C6orf132: variants seen among roughly 807,000 people sequenced by gnomAD.
C6orf132 encodes uncharacterized protein C6orf132.
In C6orf132, 43 loss-of-function variants were observed where a neutral mutation model predicts 65.3. The ratio of observed to expected loss-of-function variants is 0.66; its 90% confidence interval spans 0.52 to 0.85. The LOEUF is 0.85. Ranked by LOEUF, C6orf132 falls within the 40% of genes least tolerant of loss-of-function variation. The pLI, the probability that C6orf132 is intolerant of heterozygous loss-of-function variation, is 0.00. For synonymous variants in C6orf132, 631 were observed against 654.1 expected, an observed-to-expected ratio of 0.96 and a Z score of 0.54; for missense variants, 1,488 against 1,548.8, an observed-to-expected ratio of 0.96 and a Z score of 0.66.
chr6:42,105,523 G>A lies in C6orf132; in HGVS notation c.2389C>T (p.Pro797Ser), dbSNP rs572419947. ...PTLARGGAAG[P>S]GEPVEVKEPP... ...TCCTTCACCTCCACGGGCTCCCCTGGCCCTGCAGCCCCTCCTCTGGCCAGG... is the reference window on the plus strand; with the variant it reads ...TCCTTCACCTCCACGGGCTCCCCTGACCCTGCAGCCCCTCCTCTGGCCAGG... Residue 797 changes from proline to serine, a missense_variant, in exon 4 of 5, where the codon CCA (proline) becomes TCA (serine). Transcript: ENST00000341865. 1.2e-5 allele frequency: 19 copies of A among 1,533,564 alleles called. No individual in the cohort carries two copies. The highest frequency in any genetic ancestry group is 1.6e-5 in the Non-Finnish European group (18 of 1,144,906). The allele number at this position is 1,533,564 out of a possible 1,614,324, so 95.0% of individuals were successfully genotyped here.
intron 2 of C6orf132, among the ~76,000 whole-genome samples, chr6:42,123,004 T>G (rs1411344685): frequency 1.3e-5 from 2 of 152,220 alleles, no homozygotes; most frequent in Admixed American, 6.5e-5. Context: ...GGCGATGGCT[T>G]GATTCAGACT....
At chr6:42,133,116 T>C (rs1766879475) in intron 1 of C6orf132, among the ~76,000 whole-genome samples, 2 of 152,148 alleles carry the variant, frequency 1.3e-5, no homozygotes, top group Non-Finnish European at 2.9e-5. Context: ...CTATTGGAAG[T>C]GATGAACTTT....
At chr6:42,127,454 T>C (rs1766784885) in intron 2 of C6orf132, among the ~76,000 whole-genome samples, 1 of 151,890 alleles carries the variant, frequency 6.6e-6, no homozygotes, top group Admixed American at 6.6e-5. Flanking sequence ...ATTGTTGAAG[T>C]TGGACATAGC....
intron 1 of C6orf132, among the ~76,000 whole-genome samples, chr6:42,134,774 CA>C (rs34668328): frequency 0.062 from 5,178 of 83,536 alleles, 376 homozygotes; most frequent in African/African-American, 0.21. Context: ...AACTCCATCT[CA>C]AAAAAAAAAA....
chr6:42,130,884 A>AG, intron 1 of C6orf132, among the ~76,000 whole-genome samples: 2 of 151,940 alleles, frequency 1.3e-5, no homozygotes, highest in South Asian at 4.2e-4. Flanking sequence ...TTATGTGCCA[A>AG]GACAACAGGC....
intron 2 of C6orf132, among the ~76,000 whole-genome samples, chr6:42,125,094 C>A (rs1351724343): frequency 3.9e-5 from 6 of 152,102 alleles, no homozygotes; most frequent in Non-Finnish European, 8.8e-5. Context: ...GCCTGGTGCC[C>A]AGCAGGCCCA....
chr6:42,130,385 G>A (rs1049938619), intron 1 of C6orf132, among the ~76,000 whole-genome samples: 7 of 152,190 alleles, frequency 4.6e-5, no homozygotes, highest in Admixed American at 2.0e-4. Flanking sequence ...CAGCCACCAC[G>A]AAAGCCCCCA....
chr6:42,109,599 C>A (rs375852629), intron 3 of C6orf132, among the ~76,000 whole-genome samples: 1 of 152,090 alleles, frequency 6.6e-6, no homozygotes, highest in Non-Finnish European at 1.5e-5. Context: ...GGAAATGTGC[C>A]TGGGGTATTT....
intron 2 of C6orf132, among the ~76,000 whole-genome samples, chr6:42,116,330 G>C (rs958887298): frequency 2.0e-5 from 3 of 152,158 alleles, no homozygotes; most frequent in Non-Finnish European, 4.4e-5. Context: ...GGAAATGGAG[G>C]CTCAGAGAGA....
intron 2 of C6orf132, among the ~76,000 whole-genome samples, chr6:42,121,583 G>A (rs1766684472): frequency 6.6e-6 from 1 of 152,230 alleles, no homozygotes. Flanking sequence ...GGATTCCTCA[G>A]AGCTCAGCCA....
chr6:42,130,478 C>T (rs1193695483), intron 1 of C6orf132, among the ~76,000 whole-genome samples: 1 of 152,166 alleles, frequency 6.6e-6, no homozygotes, highest in East Asian at 1.9e-4. Flanking sequence ...GATGCCAAGG[C>T]CCTAGACCTG....
At position 42,124,923 on chromosome 6, in the gene C6orf132, G is replaced by A. The variant is rs996690066; in HGVS notation, c.252+3749C>T. 1.3e-5 allele frequency among the ~76,000 whole-genome samples: 2 copies of A among 152,242 alleles called. No individual in the cohort carries two copies. Among genetic ancestry groups the A allele is most frequent in the African/African-American group, 2.4e-5 (1 of 41,472 alleles). On this transcript the variant is annotated intron_variant, in intron 2 of 4. Coordinates refer to ENST00000341865, the MANE Select transcript of C6orf132 (RefSeq NM_001164446.3). This position sits in a 1 kb window ranked among gnomAD's most constrained non-coding sequence, Gnocchi z 4.0. ...TGTGACCTGAGTGAGGAGCACAGAA[G>A]AGTCCCTGTGATGTGGGCCACTGGG...
intron 2 of C6orf132, among the ~76,000 whole-genome samples, chr6:42,128,101 T>A (rs1766793564): frequency 6.7e-6 from 1 of 148,282 alleles, no homozygotes; most frequent in Non-Finnish European, 1.5e-5. Context: ...TTTTTTTTTT[T>A]ATATTTAGTA....
Position 42,104,665 on chromosome 6 carries a change from C to T in C6orf132, c.3247G>A (p.Gly1083Ser). Residue 1083 changes from glycine (G) to serine (S), a missense_variant, in exon 4 of 5, where the codon GGC (glycine) becomes AGC (serine). Physicochemically the swap from Gly to Ser is moderately conservative, Grantham distance 56. Coordinates refer to ENST00000341865, the MANE Select transcript of C6orf132 (RefSeq NM_001164446.3). This position sits in a 1 kb window ranked among gnomAD's most constrained non-coding sequence, Gnocchi z 4.1. Reference sequence around the variant, plus strand: ...CAGTTGGGAGAGCTCAGGCTGCGGCCGGTGCCACCGTGGGGTAGCCCTGGG... The same window carrying T: ...CAGTTGGGAGAGCTCAGGCTGCGGCTGGTGCCACCGTGGGGTAGCCCTGGG... ...RGPGLPHGGT[G>S]RSLSSPNCFG... The T allele has an allele frequency of 4.0e-6, 6 of 1,495,948 alleles. No homozygotes were observed. The highest frequency in any genetic ancestry group is 5.3e-6 in the Non-Finnish European group (6 of 1,131,576). The allele number at this position is 1,495,948 out of a possible 1,614,324, so 92.7% of individuals were successfully genotyped here. A position where few individuals can be genotyped will look rare whatever the true frequency, so the allele number is the denominator to read the frequency against.
chr6:42,138,534 G>A (rs1051690591), intron 1 of C6orf132, among the ~76,000 whole-genome samples: 1 of 152,130 alleles, frequency 6.6e-6, no homozygotes, highest in Non-Finnish European at 1.5e-5. Flanking sequence ...TGATCCACCT[G>A]CCTCAGTCTC....
chr6:42,118,623 C>T (rs563048239), intron 2 of C6orf132, among the ~76,000 whole-genome samples: 1 of 152,352 alleles, frequency 6.6e-6, no homozygotes, highest in Admixed American at 6.5e-5. Flanking sequence ...CCTGGTGGGC[C>T]TGGCTGCAGC....
At chr6:42,112,699 G>A (rs1766512945) in intron 2 of C6orf132, among the ~76,000 whole-genome samples, 1 of 152,222 alleles carries the variant, frequency 6.6e-6, no homozygotes, top group Admixed American at 6.5e-5. Flanking sequence ...AGTTCCTTCA[G>A]TGAGATCTGG....
At chr6:42,141,744 C>T (rs1178271958) in intron 1 of C6orf132, among the ~76,000 whole-genome samples, 1 of 152,156 alleles carries the variant, frequency 6.6e-6, no homozygotes. Flanking sequence ...GTAGCAGCTG[C>T]GCCTGTTGTT....
Position 42,124,634 on chromosome 6 carries a change from AG to A in C6orf132, c.252+4037del, listed in dbSNP as rs898291122. On this transcript the variant is annotated intron_variant, in intron 2 of 4. Transcript: ENST00000341865. The surrounding 1 kb of genome is among the most constrained non-coding windows in gnomAD (Gnocchi z 4.0). The stretch of plus-strand genomic sequence containing the variant: ...GTCAGGCAGGGCTAGGCACCGGCCC[AG>A]CTCCCCACCCACCCTGACTTGGTGG... 2.0e-5 allele frequency among the ~76,000 whole-genome samples: 3 copies of A among 152,170 alleles called. No individual in the cohort carries two copies. The highest frequency in any genetic ancestry group is 4.4e-5 in the Non-Finnish European group (3 of 68,002).
Sources: allele counts gnomAD v4.1 joint callset (sites outside exome capture counted in the v4.1 genomes callset), GRCh38; gene constraint gnomAD v4.1.1; non-coding constraint Gnocchi (gnomAD v3.1); transcripts MANE v1.5; gene names NCBI Gene and HGNC (gene_info 2026-07-23, HGNC 2026-07-21).